The following REPS2 variants were observed in gnomAD, a reference collection of about 807,000 sequenced individuals.
REPS2 encodes RALBP1 associated Eps domain containing 2.
REPS2 carries 23 observed loss-of-function variants against 53.6 expected under a neutral mutation model. The observed-to-expected ratio is 0.43, with a 90% confidence interval of 0.31 to 0.61. REPS2 has a LOEUF of 0.61. REPS2 is among the 20% of genes least tolerant of loss of function. The pLI is 0.11. For missense variants in REPS2, 446 were observed against 534.9 expected, an observed-to-expected ratio of 0.83 and a Z score of 1.64; for synonymous variants, 238 against 218.6, an observed-to-expected ratio of 1.09 and a Z score of -0.78.
intron 1 of REPS2, among the ~76,000 whole-genome samples, chrX:16,969,753 C>T (rs191564446): frequency 5.8e-5 from 4 of 69,281 alleles, no homozygotes; most frequent in African/African-American, 1.2e-4. Context: ...AGAGGGAGAC[C>T]GAGAGGGAGA....
chrX:16,967,809 C>T (rs895807260), intron 1 of REPS2, among the ~76,000 whole-genome samples: 8 of 108,898 alleles, frequency 7.3e-5, no homozygotes, highest in South Asian at 4.0e-4. Context: ...CTCAAATATA[C>T]GTGATTTCAG....
chrX:17,085,905 A>G (rs1274601455), intron 13 of REPS2, among the ~76,000 whole-genome samples: 2 of 111,801 alleles, frequency 1.8e-5, no homozygotes, highest in African/African-American at 6.5e-5. Flanking sequence ...ATTAACAATA[A>G]TTCTTTAATA....
At chrX:16,960,448 T>G (rs1436561083) in intron 1 of REPS2, among the ~76,000 whole-genome samples, 1 of 112,458 alleles carries the variant, frequency 8.9e-6, no homozygotes, top group East Asian at 2.8e-4. Context: ...CAGCCTTTCG[T>G]GATAAACATT....
intron 12 of REPS2, 114 bp downstream of exon 12, chrX:17,074,273 T>C: frequency 1.4e-6 from 1 of 693,807 alleles, no homozygotes; most frequent in East Asian, 3.3e-5. Flanking sequence ...GATGTAAAGC[T>C]TAGGATATGA....
At chrX:17,052,155 C>A (rs1237405589) in intron 6 of REPS2, among the ~76,000 whole-genome samples, 1 of 112,140 alleles carries the variant, frequency 8.9e-6, no homozygotes, top group Non-Finnish European at 1.9e-5. Context: ...CTTTCATGAG[C>A]ATTATGTTAT....
chrX:17,070,667 GCTTT>G (rs1221635448), intron 11 of REPS2, among the ~76,000 whole-genome samples: 5 of 111,885 alleles, frequency 4.5e-5, no homozygotes, highest in African/African-American at 1.3e-4. Context: ...AAAAGTTGTT[GCTTT>G]CTCTTTTGCT....
rs1248887433 is a variant in REPS2 at position 17,116,937 on chromosome X, C to T, written c.1578+13158C>T. On this transcript the variant is annotated intron_variant, in intron 14 of 17. Coordinates refer to ENST00000357277, the MANE Select transcript of REPS2 (RefSeq NM_004726.3). ...ATCTCATTCTCAGTTCTCTGAGCTC[C>T]TCACTTTCTGCCAGTTCAGTGGCTG... Among the ~76,000 whole-genome samples, 3 of 112,155 alleles carry T rather than the reference C, an allele frequency of 2.7e-5. No homozygotes were observed. The Admixed American group carries it at 2.8e-4, about 11-fold the overall frequency.
At chrX:16,970,198 T>A (rs2060868959) in intron 1 of REPS2, among the ~76,000 whole-genome samples, 1 of 98,313 alleles carries the variant, frequency 1.0e-5, no homozygotes, top group Non-Finnish European at 2.1e-5. Flanking sequence ...GTTTTCCCAC[T>A]TTTTTTTTTT....
At chrX:17,036,984 A>G (rs772447668) in intron 5 of REPS2, among the ~76,000 whole-genome samples, 2 of 110,553 alleles carry the variant, frequency 1.8e-5, no homozygotes, top group East Asian at 2.9e-4. Context: ...CGTTTATACC[A>G]TCTCCTAAGG....
chrX:17,056,658 G>A (rs1375499183), intron 8 of REPS2, among the ~76,000 whole-genome samples: 2 of 106,515 alleles, frequency 1.9e-5, no homozygotes, highest in African/African-American at 6.9e-5. Context: ...TCGCGCCACT[G>A]CACTCCAGCC....
intron 13 of REPS2, among the ~76,000 whole-genome samples, chrX:17,085,455 A>G (rs190604312): frequency 1.4e-3 from 154 of 111,954 alleles, no homozygotes; most frequent in Non-Finnish European, 4.9e-4. Flanking sequence ...TTGAATTTGT[A>G]TATCAGTTTG....
intron 3 of REPS2, among the ~76,000 whole-genome samples, chrX:17,023,384 C>T (rs896964445): frequency 4.4e-4 from 47 of 105,801 alleles, no homozygotes; most frequent in African/African-American, 1.6e-3. Flanking sequence ...GCCGAGATCA[C>T]ATCACTGCAC....
At chrX:17,109,858 C>G (rs933762919) in intron 14 of REPS2, among the ~76,000 whole-genome samples, 2 of 112,525 alleles carry the variant, frequency 1.8e-5, no homozygotes, top group African/African-American at 6.4e-5. Flanking sequence ...TTTTTAGACA[C>G]AACTTTTTAT....
intron 2 of REPS2, among the ~76,000 whole-genome samples, chrX:17,020,089 C>CAT (rs2061552315): frequency 9.0e-6 from 1 of 111,719 alleles, no homozygotes; most frequent in Non-Finnish European, 1.9e-5. Flanking sequence ...TTTCTAGGCA[C>CAT]ATAGCTCTAA....
chrX:17,082,000 C>T (rs2062463056), intron 13 of REPS2, among the ~76,000 whole-genome samples: 1 of 112,066 alleles, frequency 8.9e-6, no homozygotes, highest in South Asian at 3.7e-4. Context: ...CCTCCTTTTC[C>T]TCAATGAAAC....
intron 8 of REPS2, among the ~76,000 whole-genome samples, 177 bp downstream of exon 8, chrX:17,055,127 T>G (rs2062050578): frequency 1.0e-5 from 1 of 96,992 alleles, no homozygotes; most frequent in South Asian, 5.4e-4. Flanking sequence ...CTTCATGTGT[T>G]TTTTGGCTGC....
intron 6 of REPS2, among the ~76,000 whole-genome samples, chrX:17,051,825 A>G (rs927530079): frequency 1.1e-4 from 12 of 112,180 alleles, no homozygotes; most frequent in Admixed American, 2.8e-4. Flanking sequence ...GTAAAGTGGA[A>G]TGATTGCCTG....
chrX:17,196,072 GAGA>G, the REPS2 span, among the ~76,000 whole-genome samples: 1 of 111,676 alleles, frequency 9.0e-6, no homozygotes, highest in South Asian at 3.8e-4. Flanking sequence ...GGAGGAGAAG[GAGA>G]AGAAGAAGAA....
At chrX:17,180,424 G>T in the REPS2 span, among the ~76,000 whole-genome samples, 1 of 110,729 alleles carries the variant, frequency 9.0e-6, no homozygotes, top group Non-Finnish European at 1.9e-5. Flanking sequence ...TCCTCACCTG[G>T]AAAAAGGAAA....
Sources: allele counts gnomAD v4.1 joint callset (sites outside exome capture counted in the v4.1 genomes callset), GRCh38; gene constraint gnomAD v4.1.1; transcripts MANE v1.5; gene names NCBI Gene and HGNC (gene_info 2026-07-23, HGNC 2026-07-21).